CACHD1: variants seen among roughly 807,000 people sequenced by gnomAD.
CACHD1 encodes cache domain containing 1.
Under a neutral mutation model 138.7 loss-of-function variants are expected in CACHD1, and 71 were observed. The observed-to-expected ratio is 0.51, with a 90% CI of 0.42 to 0.62. The LOEUF is 0.62. Ranked by LOEUF, CACHD1 falls within the 20% of genes least tolerant of loss-of-function variation. The pLI is 0.00. For synonymous variants in CACHD1, 578 were observed against 591.5 expected, an observed-to-expected ratio of 0.98 and a Z score of 0.33; for missense variants, 1,389 against 1,625.3, an observed-to-expected ratio of 0.85 and a Z score of 2.50.
chr1:64,543,889 T>TTG (rs1646697732), intron 1 of CACHD1, among the ~76,000 whole-genome samples: 1 of 138,838 alleles, frequency 7.2e-6, no homozygotes, highest in Non-Finnish European at 1.5e-5. Context: ...TTTTTTTTTT[T>TTG]GGTAGAAACA....
intron 2 of CACHD1, among the ~76,000 whole-genome samples, chr1:64,574,383 G>A (rs991866168): frequency 3.3e-5 from 5 of 152,122 alleles, no homozygotes; most frequent in Non-Finnish European, 5.9e-5. Flanking sequence ...CAAGAGTAAG[G>A]TCATTATTAG....
intron 21 of CACHD1, among the ~76,000 whole-genome samples, chr1:64,676,529 C>T (rs1370627325): frequency 3.3e-5 from 5 of 152,006 alleles, no homozygotes; most frequent in South Asian, 2.1e-4. Context: ...AGTGCAGTGG[C>T]GCGATCATGG....
At chr1:64,648,066 G>A (rs777857851) in intron 9 of CACHD1, 32 bp downstream of exon 9, 3 of 1,538,264 alleles carry the variant, frequency 2.0e-6, no homozygotes, top group Non-Finnish European at 2.7e-6. Flanking sequence ...TTTAAAGGAA[G>A]GGGAAAAGAA....
chr1:64,490,340 A>G (rs1646268099), intron 1 of CACHD1, among the ~76,000 whole-genome samples: 1 of 151,380 alleles, frequency 6.6e-6, no homozygotes, highest in African/African-American at 2.4e-5. Flanking sequence ...TTTGTTGGCT[A>G]CAGGGTTTTC....
At chr1:64,605,439 G>A (rs563517055) in intron 4 of CACHD1, among the ~76,000 whole-genome samples, 1 of 152,168 alleles carries the variant, frequency 6.6e-6, no homozygotes, top group Non-Finnish European at 1.5e-5. Flanking sequence ...AGCATTTGCT[G>A]TTTTTATAAT....
At chr1:64,664,278 A>C (rs1406652154) in intron 14 of CACHD1, 2 of 573,872 alleles carry the variant, frequency 3.5e-6, no homozygotes, top group Non-Finnish European at 6.2e-6. Context: ...CAGAAAGCCT[A>C]GGTAGGGTGA....
At chr1:64,550,698 G>A in intron 2 of CACHD1, 42 bp downstream of exon 2, 2 of 1,352,510 alleles carry the variant, frequency 1.5e-6, no homozygotes, top group Non-Finnish European at 2.1e-6. Flanking sequence ...TCTTTGTCTT[G>A]CTTTTAGATG....
At chr1:64,547,337 C>T (rs1378575272) in intron 1 of CACHD1, among the ~76,000 whole-genome samples, 2 of 152,146 alleles carry the variant, frequency 1.3e-5, no homozygotes, top group Non-Finnish European at 2.9e-5. Flanking sequence ...ATCTTGTGCA[C>T]ACACATAAGC....
intron 2 of CACHD1, among the ~76,000 whole-genome samples, chr1:64,562,598 A>G (rs1275631615): frequency 1.1e-5 from 1 of 94,566 alleles, no homozygotes; most frequent in Non-Finnish European, 2.2e-5. Flanking sequence ...TTTTTTTTGT[A>G]TTTTAGTAGA....
intron 15 of CACHD1, 44 bp downstream of exon 15, chr1:64,664,723 C>T (rs371281614): frequency 1.3e-6 from 2 of 1,572,758 alleles, no homozygotes; most frequent in Admixed American, 1.7e-5. Context: ...TCCCCCAAAT[C>T]CTGGAGAGAC....
intron 22 of CACHD1, among the ~76,000 whole-genome samples, chr1:64,677,301 G>A (rs1474260074): frequency 6.6e-6 from 1 of 152,170 alleles, no homozygotes; most frequent in Non-Finnish European, 1.5e-5. Context: ...AGGTCCAGAA[G>A]CAGAACCCAG....
chr1:64,519,073 G>A (rs1646479175), intron 1 of CACHD1, among the ~76,000 whole-genome samples: 1 of 152,166 alleles, frequency 6.6e-6, no homozygotes, highest in Admixed American at 6.5e-5. Context: ...ATTTAACTGA[G>A]TGAAAGCTTT....
In CACHD1 at chr1:64,658,892, C is replaced by A; in HGVS notation, c.1951+19C>A. 6.5e-7 allele frequency: 1 copy of A among 1,528,972 alleles called. No homozygotes were observed. 94.7% of individuals were successfully genotyped at this position (1,528,972 alleles called of 1,614,324 possible). ...ACCCTAGGTAAAGCCCTTACACTTCCTTCACATTCTTACTCTTAGCAGCTC... is the reference window on the plus strand; with the variant it reads ...ACCCTAGGTAAAGCCCTTACACTTCATTCACATTCTTACTCTTAGCAGCTC... On this transcript the variant is annotated intron_variant, in intron 13 of 26. Transcript: ENST00000651257.
chr1:64,635,674 C>A (rs1405698596), intron 7 of CACHD1, among the ~76,000 whole-genome samples: 5 of 151,652 alleles, frequency 3.3e-5, no homozygotes, highest in Non-Finnish European at 7.4e-5. Flanking sequence ...AGCCACCACG[C>A]CTGGCCTCTA....
At chr1:64,522,139 G>T (rs1646502551) in intron 1 of CACHD1, among the ~76,000 whole-genome samples, 1 of 152,196 alleles carries the variant, frequency 6.6e-6, no homozygotes, top group African/African-American at 2.4e-5. Flanking sequence ...TACATATGTT[G>T]TAAGGGTCCA....
intron 4 of CACHD1, among the ~76,000 whole-genome samples, chr1:64,618,330 A>G (rs756539210): frequency 3.3e-5 from 5 of 152,162 alleles, no homozygotes; most frequent in South Asian, 4.1e-4. Flanking sequence ...ACCTGCATCT[A>G]GTCATTTTGT....
chr1:64,471,948 T>A (rs1215464465), intron 1 of CACHD1, among the ~76,000 whole-genome samples: 1 of 152,046 alleles, frequency 6.6e-6, no homozygotes, highest in African/African-American at 2.4e-5. Context: ...TTAGGAGAGG[T>A]TGAGATGACA....
intron 2 of CACHD1, among the ~76,000 whole-genome samples, chr1:64,570,916 C>A (rs1186521745): frequency 6.6e-6 from 1 of 151,784 alleles, no homozygotes. Flanking sequence ...ATTTTTTTTC[C>A]CAATGATATT....
intron 1 of CACHD1, among the ~76,000 whole-genome samples, chr1:64,533,749 T>TCTC (rs10624761): frequency 0.2 from 10,123 of 50,712 alleles, 655 homozygotes; most frequent in Middle Eastern, 0.31. Flanking sequence ...CTTCTCTCTC[T>TCTC]TTTTTTTTTT....
Sources: gnomAD v4.1 joint callset for allele counts (sites outside exome capture counted in the v4.1 genomes callset) on GRCh38, gnomAD v4.1.1 for gene constraint, MANE v1.5 for transcripts, NCBI Gene and HGNC (gene_info 2026-07-23, HGNC 2026-07-21) for gene names.